The following ABCA13 variants were observed in gnomAD, a reference collection of about 807,000 sequenced individuals.
ABCA13 encodes ATP-binding cassette sub-family A member 13.
In ABCA13, 476 loss-of-function variants were observed where a neutral mutation model predicts 478.7. That is an observed-to-expected ratio of 0.99 (90% CI 0.92 to 1.07). The LOEUF (loss-of-function observed/expected upper bound fraction) is 1.07. Ranked by LOEUF, ABCA13 falls within the 50% of genes least tolerant of loss-of-function variation. ABCA13 has a pLI of 0.00. For synonymous variants in ABCA13, 2,252 were observed against 2,158.9 expected, an observed-to-expected ratio of 1.04 and a Z score of -1.20; for missense variants, 6,060 against 5,910.6, an observed-to-expected ratio of 1.03 and a Z score of -0.83.
rs374022347 is a variant in ABCA13, at chr7:48,287,982, C to A, written c.8859C>A (p.Asp2953Glu). The A allele has an allele frequency of 6.2e-7, 1 of 1,613,924 alleles. No individual in the cohort carries two copies. Among genetic ancestry groups the A allele is most frequent in the South Asian group, 1.1e-5 (1 of 91,064 alleles). ...CAGAAAACCCTTCCTGGACCAAGGACATTTTGTGTGCTACTCTGAGTTGCA... is the reference window on the plus strand; with the variant it reads ...CAGAAAACCCTTCCTGGACCAAGGAAATTTTGTGTGCTACTCTGAGTTGCA... ...IVAENPSWTK[D>E]ILCATLSCKQ... The change falls in exon 20 of 62, where the codon GAC becomes GAA. Residue 2953 changes from aspartate (D) to glutamate (E), a missense_variant. By Grantham distance (45) the Asp-to-Glu change is conservative. Transcript: ENST00000435803.
At chr7:48,500,311 C>T (rs1328888950) in intron 48 of ABCA13, among the ~76,000 whole-genome samples, 1 of 152,050 alleles carries the variant, frequency 6.6e-6, no homozygotes, top group Non-Finnish European at 1.5e-5. Flanking sequence ...GAGGGTGAGC[C>T]CATGCCGTTG....
At chr7:48,220,463 C>T (rs1026700872) in intron 4 of ABCA13, among the ~76,000 whole-genome samples, 6 of 152,056 alleles carry the variant, frequency 3.9e-5, no homozygotes, top group African/African-American at 1.5e-4. Flanking sequence ...ACTATAATTC[C>T]TATGTAATTT....
intron 15 of ABCA13, among the ~76,000 whole-genome samples, chr7:48,265,881 T>C (rs186917283): frequency 1.3e-5 from 2 of 151,806 alleles, no homozygotes; most frequent in East Asian, 1.9e-4. Flanking sequence ...TTGAGTGTAA[T>C]GTTAGCTATA....
At chr7:48,302,033 C>T (rs939537342) in intron 23 of ABCA13, among the ~76,000 whole-genome samples, 5 of 152,152 alleles carry the variant, frequency 3.3e-5, no homozygotes, top group African/African-American at 1.2e-4. Context: ...CATTTAACTC[C>T]CTCTGAGCAG....
At chr7:48,173,474 G>A (rs987799482) in intron 1 of ABCA13, among the ~76,000 whole-genome samples, 2 of 152,236 alleles carry the variant, frequency 1.3e-5, no homozygotes, top group African/African-American at 4.8e-5. Context: ...CAGATAGTGG[G>A]TGAACAAGAA....
chr7:48,554,699 A>T (rs1785614877), intron 55 of ABCA13, among the ~76,000 whole-genome samples: 2 of 151,588 alleles, frequency 1.3e-5, no homozygotes, highest in African/African-American at 4.8e-5. Flanking sequence ...TAATTTGTTT[A>T]TCAGTTCTAG....
At chr7:48,537,989 A>G (rs1833698190) in intron 55 of ABCA13, among the ~76,000 whole-genome samples, 2 of 152,180 alleles carry the variant, frequency 1.3e-5, no homozygotes, top group African/African-American at 4.8e-5. Context: ...AGAAACTTAG[A>G]ACTCACTGTA....
chr7:48,632,694 A>G (rs1234047975), intron 59 of ABCA13, among the ~76,000 whole-genome samples: 1 of 152,166 alleles, frequency 6.6e-6, no homozygotes, highest in East Asian at 1.9e-4. Flanking sequence ...AGAGTCCAGG[A>G]GTAAACCCTG....
At chr7:48,444,712 T>A (rs1213838452) in intron 42 of ABCA13, among the ~76,000 whole-genome samples, 1 of 152,162 alleles carries the variant, frequency 6.6e-6, no homozygotes, top group East Asian at 1.9e-4. Context: ...TCAGCTCAGA[T>A]CACCTCTCTT....
At chr7:48,574,348 A>G (rs1787961073) in intron 55 of ABCA13, among the ~76,000 whole-genome samples, 1 of 152,128 alleles carries the variant, frequency 6.6e-6, no homozygotes, top group Admixed American at 6.5e-5. Context: ...TTCACTGTTC[A>G]ATGGCCCTGA....
intron 59 of ABCA13, among the ~76,000 whole-genome samples, chr7:48,630,074 T>G (rs1003780904): frequency 6.6e-6 from 1 of 152,222 alleles, no homozygotes; most frequent in Non-Finnish European, 1.5e-5. Flanking sequence ...TTATGTGTTT[T>G]GAAAATCTTT....
chr7:48,246,010 C>T lies in ABCA13; in HGVS notation c.1639C>T (p.Leu547Phe). The change falls in exon 13 of 62, where the codon CTT (leucine) becomes TTT (phenylalanine). Residue 547 changes from leucine (L) to phenylalanine (F), a missense_variant. This residue lies in a region of ABCA13 where 4,423 missense variants were observed against 4,309.1 expected (regional missense o/e 1.03). Transcript: ENST00000435803. ...SSETSVLNKL[L>F]GSVEDADRIL... ...TGAGACGAGTGTTTTAAACAAGCTA[C>T]TTGGTTCAGTAGAGGATGCTGTAAG... 6.2e-7 allele frequency: 1 copy of T among 1,613,652 alleles called. No homozygotes were observed. Among genetic ancestry groups the T allele is most frequent in the East Asian group, 2.2e-5 (1 of 44,870 alleles).
intron 50 of ABCA13, 123 bp downstream of exon 50, chr7:48,508,172 T>A (rs1585640756): frequency 8.5e-7 from 1 of 1,181,116 alleles, no homozygotes; most frequent in Non-Finnish European, 1.2e-6. Context: ...AAAGGGGTCA[T>A]CTTATTGATA....
chr7:48,370,992 C>T (rs1394651668), intron 32 of ABCA13, among the ~76,000 whole-genome samples: 1 of 152,170 alleles, frequency 6.6e-6, no homozygotes, highest in East Asian at 1.9e-4. Flanking sequence ...CAATTTTCTG[C>T]ATATGGCTAG....
chr7:48,336,085 A>G (rs777264097), intron 28 of ABCA13, among the ~76,000 whole-genome samples: 3 of 152,186 alleles, frequency 2.0e-5, no homozygotes, highest in African/African-American at 4.8e-5. Context: ...TTAACTTACC[A>G]GGTAAGTAGT....
intron 55 of ABCA13, among the ~76,000 whole-genome samples, chr7:48,552,464 A>G (rs1020129254): frequency 1.3e-5 from 2 of 151,744 alleles, no homozygotes; most frequent in Non-Finnish European, 2.9e-5. Flanking sequence ...TGGTGGTTGG[A>G]TACAGAATTT....
chr7:48,403,546 T>A (rs549792707), intron 38 of ABCA13, 137 bp from the exon 39 acceptor site: 3 of 859,332 alleles, frequency 3.5e-6, no homozygotes, highest in Non-Finnish European at 5.4e-6. Flanking sequence ...CTCACGTGTG[T>A]GTAGCATCCA....
intron 30 of ABCA13, among the ~76,000 whole-genome samples, chr7:48,351,055 T>TGCCATAGTGA (rs1808894363): frequency 6.6e-6 from 1 of 152,222 alleles, no homozygotes; most frequent in Non-Finnish European, 1.5e-5. Context: ...AATAACGTTT[T>TGCCATAGTGA]CACCATCCTA....
Position 48,412,417 on chromosome 7 carries a change from A to C in ABCA13, c.12293A>C (p.Tyr4098Ser), listed in dbSNP as rs773624504. 6.2e-7 allele frequency: 1 copy of C among 1,613,624 alleles called. No homozygotes were observed. Among genetic ancestry groups the C allele is most frequent in the Middle Eastern group, 1.7e-4 (1 of 6,060 alleles). Residue 4098 changes from tyrosine (Y) to serine (S), a missense_variant, in exon 41 of 62, where the codon TAT (tyrosine) becomes TCT (serine). Transcript: ENST00000435803. ...TGTGTTACATCCCTGATAAAGATCT[A>C]TATTCCACAAGCATTTCTCAAAGAC... The part of the protein sequence containing the change: ...MACVTSLIKI[Y>S]IPQAFLKDSS...
Sources: gnomAD v4.1 joint callset for allele counts (sites outside exome capture counted in the v4.1 genomes callset) on GRCh38, gnomAD v4.1.1 for gene constraint, gnomAD v4.1.1 regional missense constraint, MANE v1.5 for transcripts, NCBI Gene and HGNC (gene_info 2026-07-23, HGNC 2026-07-21) for gene names.